The following MAN1A1 variants were observed in gnomAD, a reference collection of about 807,000 sequenced individuals.
MAN1A1 encodes the protein mannosidase alpha class 1A member 1, also known as mannosyl-oligosaccharide 1,2-alpha-mannosidase IA.
A neutral mutation model predicts 70.8 loss-of-function variants in MAN1A1; 29 were observed. The ratio of observed to expected loss-of-function variants is 0.41; its 90% CI spans 0.31 to 0.56. The LOEUF is 0.56. Ranked by LOEUF, MAN1A1 falls within the 20% of genes least tolerant of loss-of-function variation. MAN1A1 has a pLI of 0.29. For synonymous variants in MAN1A1, 349 were observed against 330.1 expected (o/e 1.06, Z -0.62); for missense variants, 747 against 841.3 (o/e 0.89, Z 1.39).
At chr6:119,217,203 A>G (rs1198799911) in intron 6 of MAN1A1, among the ~76,000 whole-genome samples, 2 of 152,242 alleles carry the variant, frequency 1.3e-5, no homozygotes, top group African/African-American at 4.8e-5. Context: ...TTTTAGGTTA[A>G]AAGTAACACC....
chr6:119,258,858 G>C (rs1258437698), intron 5 of MAN1A1, among the ~76,000 whole-genome samples: 3 of 152,136 alleles, frequency 2.0e-5, no homozygotes, highest in African/African-American at 7.2e-5. Flanking sequence ...AGGTGATGGA[G>C]TTTTCCATTA....
intron 11 of MAN1A1, among the ~76,000 whole-genome samples, chr6:119,182,060 G>T (rs903942106): frequency 2.0e-5 from 3 of 152,038 alleles, no homozygotes; most frequent in African/African-American, 7.2e-5. Context: ...TTGAATTTTT[G>T]ATAATAGCCA....
chr6:119,192,760 ATACT>A (rs1214304435), intron 9 of MAN1A1, among the ~76,000 whole-genome samples: 1 of 152,136 alleles, frequency 6.6e-6, no homozygotes, highest in Non-Finnish European at 1.5e-5. Flanking sequence ...ACCACATAAA[ATACT>A]TAATCGCAAA....
intron 6 of MAN1A1, among the ~76,000 whole-genome samples, chr6:119,247,198 G>A (rs1325851000): frequency 6.6e-6 from 1 of 152,192 alleles, no homozygotes; most frequent in African/African-American, 2.4e-5. Context: ...GCCAAACCAT[G>A]CTATGCATTC....
chr6:119,268,201 T>C (rs556488985), intron 5 of MAN1A1, among the ~76,000 whole-genome samples: 1 of 152,344 alleles, frequency 6.6e-6, no homozygotes, highest in South Asian at 2.1e-4. Context: ...ACATTGCTTA[T>C]CTACTATTTA....
At chr6:119,343,576 A>C (rs1463868590) in intron 2 of MAN1A1, among the ~76,000 whole-genome samples, 1 of 152,228 alleles carries the variant, frequency 6.6e-6, no homozygotes, top group African/African-American at 2.4e-5. Context: ...GATAAGATAT[A>C]GTTCAATCAC....
At chr6:119,331,956 A>T (rs1281773720) in intron 2 of MAN1A1, 1 of 511,298 alleles carries the variant, frequency 2.0e-6, no homozygotes, top group Non-Finnish European at 3.9e-6. Context: ...ACCTCGCAGG[A>T]GCTGCTCGAC....
chr6:119,203,783 G>A (rs1245263394), intron 7 of MAN1A1, among the ~76,000 whole-genome samples: 1 of 152,184 alleles, frequency 6.6e-6, no homozygotes, highest in African/African-American at 2.4e-5. Context: ...GGCATTTTAA[G>A]TGGGACTTGT....
chr6:119,243,346 T>G (rs1775063926), intron 6 of MAN1A1, among the ~76,000 whole-genome samples: 1 of 152,078 alleles, frequency 6.6e-6, no homozygotes, highest in Non-Finnish European at 1.5e-5. Flanking sequence ...TTCTTTCAAA[T>G]CTGAAACCAG....
intron 2 of MAN1A1, among the ~76,000 whole-genome samples, chr6:119,316,954 T>C (rs1772870824): frequency 6.7e-6 from 1 of 149,326 alleles, no homozygotes; most frequent in Non-Finnish European, 1.5e-5. Flanking sequence ...TATTATTCTT[T>C]TTTTTTTTTT....
chr6:119,195,456 G>A (rs1040274868), intron 8 of MAN1A1, among the ~76,000 whole-genome samples: 4 of 152,126 alleles, frequency 2.6e-5, no homozygotes, highest in Non-Finnish European at 5.9e-5. Flanking sequence ...CTCATACTTC[G>A]TATCTGGGAC....
intron 2 of MAN1A1, among the ~76,000 whole-genome samples, chr6:119,337,527 CCT>C (rs1773488331): frequency 6.6e-6 from 1 of 152,146 alleles, no homozygotes; most frequent in Non-Finnish European, 1.5e-5. Context: ...TTTCTCCTGC[CCT>C]CAATATGATA....
intron 10 of MAN1A1, 124 bp from the exon 11 acceptor site, chr6:119,188,701 C>G: frequency 1.1e-6 from 1 of 874,530 alleles, no homozygotes; most frequent in Non-Finnish European, 1.8e-6. Context: ...TTCCAGGACC[C>G]TCCGAGGATA....
intron 8 of MAN1A1, among the ~76,000 whole-genome samples, chr6:119,196,518 A>G (rs1005631368): frequency 3.9e-5 from 6 of 152,276 alleles, no homozygotes; most frequent in Admixed American, 1.3e-4. Flanking sequence ...ACTTCTGGAA[A>G]TAACATAATA....
At chr6:119,296,057 A>C (rs551615950) in intron 4 of MAN1A1, among the ~76,000 whole-genome samples, 1 of 152,316 alleles carries the variant, frequency 6.6e-6, no homozygotes, top group South Asian at 2.1e-4. Context: ...ATGATACTTC[A>C]AAGTGTGTGC....
chr6:119,308,194 C>T lies in MAN1A1; in HGVS notation c.604-1202G>A, dbSNP rs58263645. On this transcript the variant is annotated intron_variant, in intron 2 of 12. Coordinates refer to ENST00000368468, the MANE Select transcript of MAN1A1 (RefSeq NM_005907.4). The stretch of plus-strand genomic sequence containing the variant: ...TTAAAAAACAACTTTACTCAGTCAC[C>T]ACATTTTTCCACAGACAAGGTGCCA... Among the ~76,000 whole-genome samples, 893 of 152,168 alleles carry T rather than the reference C, an allele frequency of 5.9e-3. 29 individuals carry two copies. In the East Asian group the frequency reaches 0.09, roughly 15 times the overall value.
chr6:119,270,815 T>A (rs750685043), intron 5 of MAN1A1, among the ~76,000 whole-genome samples: 5 of 152,192 alleles, frequency 3.3e-5, no homozygotes, highest in Non-Finnish European at 7.3e-5. Flanking sequence ...AGAGATCTAT[T>A]TATAATACAA....
intron 5 of MAN1A1, among the ~76,000 whole-genome samples, chr6:119,274,591 A>T (rs960472842): frequency 3.9e-5 from 6 of 152,232 alleles, no homozygotes; most frequent in Non-Finnish European, 7.3e-5. Flanking sequence ...GTGAACATCT[A>T]CCTCATTCAG....
At chr6:119,247,803 C>T (rs1031257510) in intron 6 of MAN1A1, among the ~76,000 whole-genome samples, 1 of 152,120 alleles carries the variant, frequency 6.6e-6, no homozygotes, top group African/African-American at 2.4e-5. Context: ...TCCCAGTCTC[C>T]GTTATACCAG....
Sources: allele counts gnomAD v4.1 joint callset (sites outside exome capture counted in the v4.1 genomes callset), GRCh38; gene constraint gnomAD v4.1.1; transcripts MANE v1.5; gene names NCBI Gene and HGNC (gene_info 2026-07-23, HGNC 2026-07-21).